ATP10A: variants seen among roughly 807,000 people sequenced by gnomAD.
ATP10A encodes phospholipid-transporting ATPase VA.
A neutral mutation model predicts 147.8 loss-of-function variants in ATP10A; 111 were observed. The ratio of observed to expected loss-of-function variants is 0.75; its 90% confidence interval spans 0.64 to 0.88. The LOEUF (loss-of-function observed/expected upper bound fraction) is 0.88. Ranked by LOEUF, ATP10A falls within the 40% of genes least tolerant of loss-of-function variation. The pLI, the probability that ATP10A is intolerant of heterozygous loss-of-function variation, is 0.00. For synonymous variants in ATP10A, 875 were observed against 841.6 expected (o/e 1.04, Z -0.69); for missense variants, 1,927 against 1,959.0 (o/e 0.98, Z 0.31).
chr15:25,835,543 G>T (rs1596976729), intron 1 of ATP10A, among the ~76,000 whole-genome samples: 1 of 152,132 alleles, frequency 6.6e-6, no homozygotes, highest in African/African-American at 2.4e-5. Flanking sequence ...CCTGAACAGG[G>T]TCCCAAGCCT....
Position 25,862,423 on chromosome 15 carries a change from G to A in ATP10A, c.449+225C>T, listed in dbSNP as rs1176193373. ...ACGGAGTGACAGGGGATCCCCACGC[G>A]TCCCCGCATCCAGGGCGCCCCTTTA... On this transcript the variant is annotated intron_variant, in intron 1 of 20. Transcript: ENST00000555815. 8 of 655,696 alleles carry A rather than the reference G, an allele frequency of 1.2e-5. No individual in the cohort carries two copies. The East Asian group carries it at 1.7e-4, about 14-fold the overall frequency. 40.6% of individuals were successfully genotyped at this position (655,696 alleles called of 1,614,324 possible).
chr15:25,849,383 A>G (rs1002188921), intron 1 of ATP10A, among the ~76,000 whole-genome samples: 5 of 152,178 alleles, frequency 3.3e-5, no homozygotes, highest in Non-Finnish European at 7.3e-5. Context: ...GACAAGAGAA[A>G]ATAAAAAGAC....
In ATP10A at chr15:25,862,815, G is replaced by A; in HGVS notation, c.282C>T (p.Ile94=). The change falls in exon 1 of 21, where the codon ATC becomes ATT. Residue 94 remains isoleucine (I), a synonymous_variant. Coordinates refer to ENST00000555815, the MANE Select transcript of ATP10A (RefSeq NM_024490.4). ...HRPANVYFVF[I]ALLNFVPAVN... is the part of the protein sequence containing the mutation. Reference sequence around the variant, plus strand: ...CCGCCGGCACGAAGTTGAGCAGCGCGATGAAGACAAAGTACACGTTGGCCG... The same window carrying A: ...CCGCCGGCACGAAGTTGAGCAGCGCAATGAAGACAAAGTACACGTTGGCCG... 2 of 1,610,202 alleles carry A rather than the reference G, an allele frequency of 1.2e-6. No homozygotes were observed. The highest frequency in any genetic ancestry group is 1.7e-6 in the Non-Finnish European group (2 of 1,178,264).
At chr15:25,860,882 C>T (rs1893728740) in intron 1 of ATP10A, among the ~76,000 whole-genome samples, 1 of 152,164 alleles carries the variant, frequency 6.6e-6, no homozygotes, top group Admixed American at 6.5e-5. Flanking sequence ...TCTCCTGAGG[C>T]ATAAGTATTT....
intron 17 of ATP10A, among the ~76,000 whole-genome samples, chr15:25,682,889 T>C (rs984929972): frequency 3.3e-5 from 5 of 152,216 alleles, no homozygotes; most frequent in Non-Finnish European, 7.3e-5. Flanking sequence ...TTAATGCCAG[T>C]ATGTATTTAA....
chr15:25,682,761 A>G (rs754950323), intron 17 of ATP10A, among the ~76,000 whole-genome samples: 2 of 152,234 alleles, frequency 1.3e-5, no homozygotes, highest in Non-Finnish European at 2.9e-5. Flanking sequence ...AGGAGAAATG[A>G]GACTCCATGT....
intron 13 of ATP10A, among the ~76,000 whole-genome samples, chr15:25,698,154 A>T (rs1235029626): frequency 6.6e-6 from 1 of 152,228 alleles, no homozygotes; most frequent in Non-Finnish European, 1.5e-5. Flanking sequence ...GAAAGTAATG[A>T]TGTATCAACA....
At chr15:25,771,199 G>T (rs1052742520) in intron 2 of ATP10A, among the ~76,000 whole-genome samples, 4 of 151,978 alleles carry the variant, frequency 2.6e-5, no homozygotes, top group Admixed American at 6.6e-5. Context: ...GTTAACAGGG[G>T]TGCAGCACAA....
intron 1 of ATP10A, among the ~76,000 whole-genome samples, chr15:25,796,247 G>A (rs917308951): frequency 1.3e-5 from 2 of 152,082 alleles, no homozygotes; most frequent in African/African-American, 4.8e-5. Flanking sequence ...ATAAAAAACA[G>A]AAACAAAATT....
At chr15:25,728,877 T>C (rs1902758732) in intron 3 of ATP10A, among the ~76,000 whole-genome samples, 1 of 152,122 alleles carries the variant, frequency 6.6e-6, no homozygotes, top group Non-Finnish European at 1.5e-5. Flanking sequence ...GTTGGGAACG[T>C]ACTCCTGCGT....
At chr15:25,800,957 G>A (rs533887629) in intron 1 of ATP10A, among the ~76,000 whole-genome samples, 3 of 152,264 alleles carry the variant, frequency 2.0e-5, no homozygotes, top group Non-Finnish European at 4.4e-5. Flanking sequence ...AGATGCTGAC[G>A]CTGCTCCTGG....
chr15:25,724,034 T>G lies in ATP10A; in HGVS notation c.980-13A>C. Reference sequence around the variant, plus strand: ...CACAGTCCATGTCCTGTAGTAATGTTCAAAGAGAAATGTCATTCATCCAAT... The same window carrying G: ...CACAGTCCATGTCCTGTAGTAATGTGCAAAGAGAAATGTCATTCATCCAAT... On this transcript the variant is annotated splice_polypyrimidine_tract_variant and intron_variant, in intron 5 of 20. Transcript: ENST00000555815. The G allele has an allele frequency of 1.3e-6, 2 of 1,509,902 alleles. No individual in the cohort carries two copies. The allele number at this position is 1,509,902 out of a possible 1,614,324, so 93.5% of individuals were successfully genotyped here. A position where few individuals can be genotyped will look rare whatever the true frequency, so the allele number is the denominator to read the frequency against.
At chr15:25,753,231 A>G (rs1402136754) in intron 2 of ATP10A, among the ~76,000 whole-genome samples, 1 of 152,148 alleles carries the variant, frequency 6.6e-6, no homozygotes, top group Non-Finnish European at 1.5e-5. Flanking sequence ...CCCTTTGACC[A>G]TCATCTATCT....
At chr15:25,722,469 T>C (rs1332711144) in intron 6 of ATP10A, among the ~76,000 whole-genome samples, 1 of 152,200 alleles carries the variant, frequency 6.6e-6, no homozygotes, top group Non-Finnish European at 1.5e-5. Flanking sequence ...AAACATTCAG[T>C]GATGCCTCCA....
intron 1 of ATP10A, among the ~76,000 whole-genome samples, chr15:25,857,622 T>C (rs1487429262): frequency 6.6e-6 from 1 of 152,160 alleles, no homozygotes; most frequent in Non-Finnish European, 1.5e-5. Context: ...GATAAAATAA[T>C]GTTAGCCATG....
At chr15:25,817,160 G>A (rs908808396) in intron 1 of ATP10A, among the ~76,000 whole-genome samples, 1 of 152,120 alleles carries the variant, frequency 6.6e-6, no homozygotes, top group Admixed American at 6.5e-5. Flanking sequence ...TTGGCTCACT[G>A]CAACCTCTGC....
At chr15:25,812,991 T>A (rs1283013551) in intron 1 of ATP10A, among the ~76,000 whole-genome samples, 1 of 152,238 alleles carries the variant, frequency 6.6e-6, no homozygotes, top group Non-Finnish European at 1.5e-5. Flanking sequence ...CAGTTCATCA[T>A]CTGAGGAGCC....
intron 13 of ATP10A, among the ~76,000 whole-genome samples, chr15:25,699,738 C>T (rs77240424): frequency 0.039 from 5,904 of 152,130 alleles, 151 homozygotes; most frequent in South Asian, 0.054. Flanking sequence ...TATGCTTGTG[C>T]GCTCCTGTGG....
chr15:25,823,609 T>G (rs1304474491), intron 1 of ATP10A, among the ~76,000 whole-genome samples: 1 of 152,192 alleles, frequency 6.6e-6, no homozygotes, highest in East Asian at 1.9e-4. Flanking sequence ...TCCAAGGAAG[T>G]TACGGTACAA....
Sources: allele counts gnomAD v4.1 joint callset (sites outside exome capture counted in the v4.1 genomes callset), GRCh38; gene constraint gnomAD v4.1.1; transcripts MANE v1.5; gene names NCBI Gene and HGNC (gene_info 2026-07-23, HGNC 2026-07-21).